The following ADAMTS3 variants were observed in gnomAD, a reference collection of about 807,000 sequenced individuals.
The protein encoded by ADAMTS3 is ADAM metallopeptidase with thrombospondin type 1 motif 3, also known as A disintegrin and metalloproteinase with thrombospondin motifs 3.
Under a neutral mutation model 129.0 loss-of-function variants are expected in ADAMTS3, and 73 were observed. The observed-to-expected ratio is 0.57, with a 90% confidence interval of 0.47 to 0.69. ADAMTS3 has a LOEUF of 0.69. ADAMTS3 is among the 30% of genes least tolerant of loss of function. The pLI is 0.00. For synonymous variants in ADAMTS3, 477 were observed against 510.8 expected (o/e 0.93, Z 0.89); for missense variants, 1,457 against 1,514.5 (o/e 0.96, Z 0.63).
intron 5 of ADAMTS3, among the ~76,000 whole-genome samples, chr4:72,333,910 C>T (rs142688027): frequency 0.03 from 3,502 of 116,652 alleles, 152 homozygotes; most frequent in African/African-American, 0.11. Context: ...AGTGCAGTGG[C>T]GCGATCTAGG....
chr4:72,315,660 CCAA>C (rs1719373714), intron 11 of ADAMTS3, among the ~76,000 whole-genome samples, 195 bp downstream of exon 11: 1 of 152,152 alleles, frequency 6.6e-6, no homozygotes, highest in African/African-American at 2.4e-5. Flanking sequence ...TTGTTTCAAG[CCAA>C]CAAGTTTGTG....
intron 3 of ADAMTS3, among the ~76,000 whole-genome samples, chr4:72,489,314 C>T (rs1431432088): frequency 1.3e-5 from 2 of 151,930 alleles, no homozygotes; most frequent in African/African-American, 4.8e-5. Flanking sequence ...TGGTTTCGAT[C>T]ACCCATGGTC....
chr4:72,534,705 C>T (rs1721143037), intron 3 of ADAMTS3, among the ~76,000 whole-genome samples: 3 of 152,164 alleles, frequency 2.0e-5, no homozygotes. Flanking sequence ...CTAATTCAAA[C>T]TCCTGGTTTT....
At chr4:72,529,897 AT>A (rs1720928559) in intron 3 of ADAMTS3, among the ~76,000 whole-genome samples, 1 of 65,760 alleles carries the variant, frequency 1.5e-5, no homozygotes, top group Admixed American at 3.0e-4. Flanking sequence ...ATTATATATT[AT>A]ATATAAATAA....
chr4:72,543,790 G>T (rs1721394586), intron 3 of ADAMTS3, among the ~76,000 whole-genome samples: 1 of 152,052 alleles, frequency 6.6e-6, no homozygotes, highest in Admixed American at 6.6e-5. Flanking sequence ...GAGATGGATG[G>T]TAGTGATGGT....
chr4:72,381,225 A>G (rs1721280679), intron 4 of ADAMTS3, among the ~76,000 whole-genome samples: 1 of 152,188 alleles, frequency 6.6e-6, no homozygotes, highest in African/African-American at 2.4e-5. Context: ...TGTGCATTTA[A>G]TAGTATAGTA....
At chr4:72,327,903 G>C (rs1204785288) in intron 5 of ADAMTS3, among the ~76,000 whole-genome samples, 1 of 152,122 alleles carries the variant, frequency 6.6e-6, no homozygotes, top group Admixed American at 6.6e-5. Flanking sequence ...ATTTATTGAT[G>C]ATCAGTATAA....
chr4:72,451,160 T>C (rs1249483546), intron 3 of ADAMTS3, among the ~76,000 whole-genome samples: 2 of 151,712 alleles, frequency 1.3e-5, no homozygotes, highest in East Asian at 3.9e-4. Context: ...CAAAGCCTAA[T>C]GCTGGCCAGA....
In ADAMTS3 at chr4:72,530,046, AT is replaced by A. The variant is rs1353271541; in HGVS notation, c.504+18431del. ...TTTATATATAAATATAATATATTAT[AT>A]TTATATATAATATGTTATATATAAC... On this transcript the variant is annotated intron_variant, in intron 3 of 21. Coordinates refer to ENST00000286657, the MANE Select transcript of ADAMTS3 (RefSeq NM_014243.3). Among the ~76,000 whole-genome samples the A allele has an allele frequency of 4.6e-4, 7 of 15,138 alleles. 2 individuals are homozygous for A. The highest frequency in any genetic ancestry group is 3.4e-3 in the African/African-American group (7 of 2,076). 9.9% of individuals were successfully genotyped at this position (15,138 alleles called of 152,430 possible).
chr4:72,319,049 T>G (rs1438044986), intron 9 of ADAMTS3, among the ~76,000 whole-genome samples: 1 of 151,794 alleles, frequency 6.6e-6, no homozygotes, highest in Non-Finnish European at 1.5e-5. Context: ...ATGACCATCC[T>G]CCCCCCATCC....
chr4:72,501,209 G>A (rs1376512484), intron 3 of ADAMTS3, among the ~76,000 whole-genome samples: 1 of 152,086 alleles, frequency 6.6e-6, no homozygotes, highest in African/African-American at 2.4e-5. Context: ...TGGACAGTAT[G>A]GCCATTTTAA....
intron 2 of ADAMTS3, among the ~76,000 whole-genome samples, chr4:72,566,555 C>T (rs759638758): frequency 8.5e-5 from 13 of 152,196 alleles, no homozygotes; most frequent in Non-Finnish European, 1.6e-4. Context: ...CTGACAAATA[C>T]AGAATTGACA....
chr4:72,325,574 T>A (rs537011757), intron 5 of ADAMTS3, among the ~76,000 whole-genome samples: 114 of 152,268 alleles, frequency 7.5e-4, no homozygotes, highest in African/African-American at 2.6e-3. Context: ...AGTTGAGATG[T>A]AAAATGCACT....
chr4:72,444,833 G>T (rs1411820115), intron 3 of ADAMTS3, among the ~76,000 whole-genome samples: 1 of 151,662 alleles, frequency 6.6e-6, no homozygotes, highest in Non-Finnish European at 1.5e-5. Flanking sequence ...AATAAAATAT[G>T]GTATAGCCAT....
At chr4:72,478,964 T>A (rs1236458980) in intron 3 of ADAMTS3, among the ~76,000 whole-genome samples, 1 of 152,012 alleles carries the variant, frequency 6.6e-6, no homozygotes, top group African/African-American at 2.4e-5. Flanking sequence ...GAGAATAAAA[T>A]ACTTAGGAAT....
At chr4:72,546,703 T>C (rs902208075) in intron 3 of ADAMTS3, among the ~76,000 whole-genome samples, 1 of 152,170 alleles carries the variant, frequency 6.6e-6, no homozygotes, top group Admixed American at 6.5e-5. Flanking sequence ...AAAACCTTTA[T>C]TTTGGCAAAT....
chr4:72,546,306 C>G (rs16848079), intron 3 of ADAMTS3, among the ~76,000 whole-genome samples: 1 of 152,082 alleles, frequency 6.6e-6, no homozygotes, highest in Non-Finnish European at 1.5e-5. Flanking sequence ...TTAGATGCCT[C>G]AGGGAGCTCA....
At chr4:72,469,553 T>TC (rs1327398040) in intron 3 of ADAMTS3, among the ~76,000 whole-genome samples, 1 of 152,142 alleles carries the variant, frequency 6.6e-6, no homozygotes, top group Non-Finnish European at 1.5e-5. Flanking sequence ...TGCTATCTAA[T>TC]CCCTCACCTC....
Position 72,337,183 on chromosome 4 carries a change from TA to T in ADAMTS3, c.861+2310del, listed in dbSNP as rs202118928. 1.8e-3 allele frequency among the ~76,000 whole-genome samples: 272 copies of T among 152,316 alleles called. 2 individuals carry two copies. Among genetic ancestry groups the T allele is most frequent in the African/African-American group, 6.3e-3 (263 of 41,580 alleles). ...AAAATGCAACTAATATATTAAGTATTAAAAAATTATTTTCTCTCCCATAGCT... is the reference window on the plus strand; with the variant it reads ...AAAATGCAACTAATATATTAAGTATTAAAAATTATTTTCTCTCCCATAGCT... On this transcript the variant is annotated intron_variant, in intron 5 of 21. Transcript: ENST00000286657.
Sources: gnomAD v4.1 joint callset for allele counts (sites outside exome capture counted in the v4.1 genomes callset) on GRCh38, gnomAD v4.1.1 for gene constraint, MANE v1.5 for transcripts, NCBI Gene and HGNC (gene_info 2026-07-23, HGNC 2026-07-21) for gene names.